Variants in PLA2G4A observed in about 807,000 individuals in gnomAD.
PLA2G4A encodes phospholipase A2 group IVA.
PLA2G4A carries 40 observed loss-of-function variants against 81.9 expected under a neutral mutation model. The ratio of observed to expected loss-of-function variants is 0.49; its 90% confidence interval spans 0.38 to 0.64. The LOEUF (loss-of-function observed/expected upper bound fraction) is 0.64. Ranked by LOEUF, PLA2G4A falls within the 30% of genes least tolerant of loss-of-function variation. PLA2G4A has a pLI of 0.00. For missense variants in PLA2G4A, 715 were observed against 905.1 expected (o/e 0.79, Z 2.69); for synonymous variants, 302 against 296.9 (o/e 1.02, Z -0.18).
At chr1:186,949,442 T>G (rs900164479) in intron 12 of PLA2G4A, among the ~76,000 whole-genome samples, 81 of 146,348 alleles carry the variant, frequency 5.5e-4, no homozygotes, top group African/African-American at 1.9e-3. Flanking sequence ...AAGAAAATAC[T>G]TAAGGAAGGA....
chr1:186,957,312 T>C (rs1656787838), intron 14 of PLA2G4A, among the ~76,000 whole-genome samples: 1 of 151,934 alleles, frequency 6.6e-6, no homozygotes, highest in Non-Finnish European at 1.5e-5. Context: ...TTTCAGGAAT[T>C]TAAATAAGGG....
At chr1:186,961,096 A>T (rs1487081624) in intron 14 of PLA2G4A, among the ~76,000 whole-genome samples, 1 of 152,150 alleles carries the variant, frequency 6.6e-6, no homozygotes, top group Non-Finnish European at 1.5e-5. Flanking sequence ...CAGACACTAC[A>T]TGATCTCACT....
chr1:186,946,960 AG>A lies in PLA2G4A; in HGVS notation c.1264+1del. 1 of 1,552,190 alleles carries A rather than the reference AG, an allele frequency of 6.4e-7. No homozygotes were observed. Among genetic ancestry groups the A allele is most frequent in the Non-Finnish European group, 8.9e-7 (1 of 1,123,630 alleles). The part of the protein sequence containing the change: ...SRGSTMEEEL[E>X]NITTKHIVSN... The stretch of plus-strand genomic sequence containing the variant: ...GAGGCTCCACAATGGAGGAAGAATT[AG>A]GTATCCTAAAGATATGCTTACATTG... On this transcript the variant is annotated frameshift_variant and splice_region_variant, in exon 12 of 18. Transcript: ENST00000367466. LOFTEE classifies it high-confidence loss of function.
At chr1:186,927,291 T>A (rs1384499834) in intron 7 of PLA2G4A, among the ~76,000 whole-genome samples, 1 of 152,230 alleles carries the variant, frequency 6.6e-6, no homozygotes, top group Non-Finnish European at 1.5e-5. Flanking sequence ...TAATATAATT[T>A]CTTTATGAGA....
intron 2 of PLA2G4A, among the ~76,000 whole-genome samples, chr1:186,858,393 C>A (rs541226849): frequency 6.6e-6 from 1 of 152,268 alleles, no homozygotes; most frequent in South Asian, 2.1e-4. Context: ...CTGTTGGCTG[C>A]ATAGATGTCT....
chr1:186,880,279 G>A (rs1037249720), intron 3 of PLA2G4A, among the ~76,000 whole-genome samples: 2 of 151,956 alleles, frequency 1.3e-5, no homozygotes, highest in African/African-American at 4.8e-5. Context: ...TATGGAATGG[G>A]TAGGGGTTGC....
intron 7 of PLA2G4A, among the ~76,000 whole-genome samples, chr1:186,926,836 C>A (rs1014206168): frequency 1.3e-5 from 2 of 152,268 alleles, no homozygotes; most frequent in African/African-American, 2.4e-5. Flanking sequence ...TGTATAGGGG[C>A]ACTTAATGTT....
chr1:186,974,774 A>G (rs1008713854), intron 15 of PLA2G4A, among the ~76,000 whole-genome samples: 5 of 152,194 alleles, frequency 3.3e-5, no homozygotes, highest in Admixed American at 6.5e-5. Flanking sequence ...CTTTACTCAT[A>G]GTCTGTGTCA....
At chr1:186,882,412 A>T (rs530158998) in intron 3 of PLA2G4A, among the ~76,000 whole-genome samples, 1 of 152,316 alleles carries the variant, frequency 6.6e-6, no homozygotes, top group East Asian at 1.9e-4. Context: ...TATCAGCTAA[A>T]ACGTCAAAAG....
intron 3 of PLA2G4A, among the ~76,000 whole-genome samples, chr1:186,885,239 A>C (rs1179204135): frequency 1.3e-5 from 2 of 152,138 alleles, no homozygotes; most frequent in Non-Finnish European, 2.9e-5. Context: ...AAAAACCTGA[A>C]AAACAGGACA....
intron 14 of PLA2G4A, among the ~76,000 whole-genome samples, chr1:186,963,159 A>T (rs973187923): frequency 6.6e-6 from 1 of 152,356 alleles, no homozygotes; most frequent in Non-Finnish European, 1.5e-5. Flanking sequence ...ATTAGGATAA[A>T]TGTAAGTAAC....
At chr1:186,985,617 T>A (rs1657868197) in intron 17 of PLA2G4A, among the ~76,000 whole-genome samples, 1 of 152,334 alleles carries the variant, frequency 6.6e-6, no homozygotes, top group South Asian at 2.1e-4. Flanking sequence ...TTGTTTCTTA[T>A]GTGGAAGGGG....
chr1:186,857,615 T>A (rs1652638279), intron 2 of PLA2G4A, among the ~76,000 whole-genome samples: 2 of 147,836 alleles, frequency 1.4e-5, no homozygotes, highest in African/African-American at 5.0e-5. Context: ...TTACATTTTT[T>A]AAAATTAAAC....
chr1:186,955,733 C>CCTTTT (rs1557891004), intron 13 of PLA2G4A, among the ~76,000 whole-genome samples: 2 of 28,844 alleles, frequency 6.9e-5, no homozygotes, highest in African/African-American at 3.4e-4. Flanking sequence ...AAAGAAGATC[C>CCTTTT]CTTTTTTTTT....
intron 3 of PLA2G4A, among the ~76,000 whole-genome samples, chr1:186,887,472 T>C (rs1233317503): frequency 6.6e-6 from 1 of 152,132 alleles, no homozygotes; most frequent in African/African-American, 2.4e-5. Flanking sequence ...TGCATGTAGT[T>C]TCATGTCAAC....
intron 5 of PLA2G4A, among the ~76,000 whole-genome samples, 158 bp from the exon 6 acceptor site, chr1:186,906,807 A>G (rs1025607665): frequency 6.6e-6 from 1 of 152,226 alleles, no homozygotes; most frequent in Non-Finnish European, 1.5e-5. Flanking sequence ...ATACGCCTGT[A>G]GTTTAGGGTC....
chr1:186,919,204 C>T (rs762503618), intron 7 of PLA2G4A, among the ~76,000 whole-genome samples: 8 of 152,168 alleles, frequency 5.3e-5, no homozygotes, highest in East Asian at 1.9e-4. Context: ...TTTGTAACCC[C>T]GTACAAAGGT....
At chr1:186,931,784 G>T (rs1655755836) in intron 7 of PLA2G4A, among the ~76,000 whole-genome samples, 1 of 152,100 alleles carries the variant, frequency 6.6e-6, no homozygotes, top group Non-Finnish European at 1.5e-5. Context: ...CATTCATGTT[G>T]TATATTCAGC....
chr1:186,903,724 A>G (rs1654630829), intron 5 of PLA2G4A, among the ~76,000 whole-genome samples: 1 of 152,222 alleles, frequency 6.6e-6, no homozygotes, highest in Non-Finnish European at 1.5e-5. Context: ...GCTTAGTTGC[A>G]GGAAACAAGC....
Sources: gnomAD v4.1 joint callset for allele counts (sites outside exome capture counted in the v4.1 genomes callset) on GRCh38, gnomAD v4.1.1 for gene constraint, MANE v1.5 for transcripts, NCBI Gene and HGNC (gene_info 2026-07-23, HGNC 2026-07-21) for gene names.